The following TRRAP variants were observed in gnomAD, a reference collection of about 807,000 sequenced individuals.
The protein encoded by TRRAP is transformation/transcription domain-associated protein.
In TRRAP, 41 loss-of-function variants were observed where a neutral mutation model predicts 438.8. That is an observed-to-expected ratio of 0.09 (90% CI 0.07 to 0.12). The LOEUF (loss-of-function observed/expected upper bound fraction) is 0.12. Ranked by LOEUF, TRRAP falls within the 10% of genes least tolerant of loss-of-function variation. The pLI is 1.00. For missense variants in TRRAP, 3,122 were observed against 5,055.1 expected (o/e 0.62, Z 11.60); for synonymous variants, 1,994 against 1,962.9 (o/e 1.02, Z -0.42).
chr7:98,978,199 A>G lies in TRRAP; in HGVS notation c.8386-12A>G, dbSNP rs753255127. ...AGTTAAACAGTGATTTAAAAACATT[A>G]ACTTTTTTTAGGCACAAGAATCCTA... On this transcript the variant is annotated splice_polypyrimidine_tract_variant and intron_variant, in intron 56 of 72. Transcript: ENST00000456197. The G allele has an allele frequency of 6.2e-7, 1 of 1,601,512 alleles. No homozygotes were observed. Among genetic ancestry groups the G allele is most frequent in the South Asian group, 1.1e-5 (1 of 89,934 alleles).
Position 99,005,969 on chromosome 7 carries a change from C to T in TRRAP, c.10753+621C>T, listed in dbSNP as rs1032545369. On this transcript the variant is annotated intron_variant, in intron 69 of 72. Coordinates refer to ENST00000456197, the MANE Select transcript of TRRAP (RefSeq NM_001375524.1). The surrounding 1 kb of genome is among the most constrained non-coding windows in gnomAD (Gnocchi z 5.1). Reference sequence around the variant, plus strand: ...AGCAGCATGCATCAGGTTTCCAGCGCGCCTCTAGCTGCTTCACACGCTGCA... The same window carrying T: ...AGCAGCATGCATCAGGTTTCCAGCGTGCCTCTAGCTGCTTCACACGCTGCA... Among the ~76,000 whole-genome samples, 4 of 152,164 alleles carry T rather than the reference C, an allele frequency of 2.6e-5. No homozygotes were observed. Among genetic ancestry groups the T allele is most frequent in the East Asian group, 1.9e-4 (1 of 5,190 alleles).
chr7:98,912,165 C>G lies in TRRAP; in HGVS notation c.2151C>G (p.Val717=). The change falls in exon 18 of 73, where the codon GTC becomes GTG. Residue 717 remains valine, a synonymous_variant. Coordinates refer to ENST00000456197, the MANE Select transcript of TRRAP (RefSeq NM_001375524.1). ...TGTACCTCAAGCTGTTCAAGCTGGT[C>G]TTTGGCTCTGTCTCCCTCTTTGCAG... The part of the protein sequence containing the change: ...SNLYLKLFKL[V]FGSVSLFAAE... The G allele has an allele frequency of 6.2e-7, 1 of 1,614,108 alleles. No individual in the cohort carries two copies. The highest frequency in any genetic ancestry group is 1.1e-5 in the South Asian group (1 of 91,058).
Position 98,925,181 on chromosome 7 carries a change from G to C in TRRAP, c.2893G>C (p.Glu965Gln), listed in dbSNP as rs1789991255. 3 of 1,614,184 alleles carry C rather than the reference G, an allele frequency of 1.9e-6. No individual in the cohort carries two copies. The East Asian group carries it at 6.7e-5, about 36-fold the overall frequency. Residue 965 changes from glutamate to glutamine, a missense_variant, in exon 22 of 73, where the codon GAA becomes CAA. Coordinates refer to ENST00000456197, the MANE Select transcript of TRRAP (RefSeq NM_001375524.1). ...TEPYYRRQAW[E>Q]VIKCFLVAMM... ...GCCCTACTACCGGAGGCAGGCGTGG[G>C]AAGTGATCAAATGCTTCCTGGTGGC...
chr7:98,978,912 GC>G lies in TRRAP; in HGVS notation c.8634+12del. Reference sequence around the variant, plus strand: ...AAGGAGGCGCTGGTGCAGGTGAGACGCCCCGGGGGCATCCCTGCCGCTGCCT... The same window carrying G: ...AAGGAGGCGCTGGTGCAGGTGAGACGCCCGGGGGCATCCCTGCCGCTGCCT... On this transcript the variant is annotated intron_variant, in intron 58 of 72. Coordinates refer to ENST00000456197, the MANE Select transcript of TRRAP (RefSeq NM_001375524.1). The G allele has an allele frequency of 6.2e-7, 1 of 1,613,348 alleles. No individual in the cohort carries two copies. The highest frequency in any genetic ancestry group is 8.5e-7 in the Non-Finnish European group (1 of 1,179,984).
intron 45 of TRRAP, among the ~76,000 whole-genome samples, 176 bp from the exon 46 acceptor site, chr7:98,961,085 A>C (rs1435964451): frequency 6.6e-6 from 1 of 152,218 alleles, no homozygotes. Flanking sequence ...AGTTATTTAA[A>C]GTGATTTTAT....
intron 67 of TRRAP, among the ~76,000 whole-genome samples, chr7:99,002,550 G>A (rs1204491119): frequency 6.6e-6 from 1 of 152,182 alleles, no homozygotes; most frequent in Non-Finnish European, 1.5e-5. Context: ...CAATGAGGTG[G>A]CCTGCGTCCT....
At chr7:98,888,279 G>A (rs1316562718) in intron 3 of TRRAP, among the ~76,000 whole-genome samples, 1 of 150,068 alleles carries the variant, frequency 6.7e-6, no homozygotes, top group African/African-American at 2.5e-5. Context: ...GCTCATGCCT[G>A]TAATTCCAGC....
intron 29 of TRRAP, 54 bp downstream of exon 29, chr7:98,937,331 T>G (rs536064382): frequency 6.4e-7 from 1 of 1,573,572 alleles, no homozygotes; most frequent in Non-Finnish European, 8.6e-7. Flanking sequence ...CACATGTGTG[T>G]GTACTCTGCA....
chr7:98,997,493 A>AAAAAAAAAAAC (rs1793723600), intron 67 of TRRAP, among the ~76,000 whole-genome samples: 1 of 143,244 alleles, frequency 7.0e-6, no homozygotes, highest in Non-Finnish European at 1.5e-5. Flanking sequence ...CAAAAAAAAA[A>AAAAAAAAAAAC]AAAAAAAAAA....
chr7:98,964,129 T>C (rs1792049689), intron 47 of TRRAP, among the ~76,000 whole-genome samples: 1 of 151,886 alleles, frequency 6.6e-6, no homozygotes, highest in Admixed American at 6.6e-5. Context: ...ATCAAGGTGA[T>C]TGTCACAATG....
chr7:98,988,736 A>G (rs1404773550), intron 62 of TRRAP, 29 bp from the exon 63 acceptor site: 2 of 1,611,158 alleles, frequency 1.2e-6, no homozygotes, highest in Admixed American at 3.3e-5. Context: ...TGAAAACCAT[A>G]CACGTTTTGG....
At chr7:98,917,401 A>T in intron 19 of TRRAP, 22 bp from the exon 20 acceptor site, 1 of 1,608,462 alleles carries the variant, frequency 6.2e-7, no homozygotes, top group Non-Finnish European at 8.5e-7. Flanking sequence ...TCCCTCTCTG[A>T]TAGCTGCACC....
intron 62 of TRRAP, among the ~76,000 whole-genome samples, chr7:98,987,397 A>C (rs979483866): frequency 1.3e-5 from 2 of 152,192 alleles, no homozygotes; most frequent in Non-Finnish European, 2.9e-5. Flanking sequence ...TTAATTCAAC[A>C]ATGTTTTTTA....
chr7:98,989,358 T>C (rs1793287228), intron 63 of TRRAP, among the ~76,000 whole-genome samples: 1 of 152,196 alleles, frequency 6.6e-6, no homozygotes, highest in Non-Finnish European at 1.5e-5. Flanking sequence ...GCTGGGGTGG[T>C]TGTGGGTTTC....
Position 98,949,553 on chromosome 7 carries a change from G to T in TRRAP, c.4925G>T (p.Arg1642Leu). 1.3e-6 allele frequency: 2 copies of T among 1,588,084 alleles called. No individual in the cohort carries two copies. Among genetic ancestry groups the T allele is most frequent in the Non-Finnish European group, 1.7e-6 (2 of 1,167,474 alleles). Residue 1642 changes from arginine to leucine, a missense_variant, in exon 36 of 73, where the codon CGC (arginine) becomes CTC (leucine). Physicochemically the swap from Arg to Leu is moderately radical, Grantham distance 102. Coordinates refer to ENST00000456197, the MANE Select transcript of TRRAP (RefSeq NM_001375524.1). The stretch of plus-strand genomic sequence containing the variant: ...GGTTCGCCCAGCACCAGCACCATGC[G>T]CCTGGACCTCCAGTTCCAGGCCATC... ...RPGSPSTSTM[R>L]LDLQFQAIKI...
intron 43 of TRRAP, among the ~76,000 whole-genome samples, chr7:98,957,162 T>TCTCA (rs1791656501): frequency 1.3e-5 from 2 of 152,172 alleles, no homozygotes; most frequent in South Asian, 4.2e-4. Flanking sequence ...CCGGAGCAAG[T>TCTCA]CTCACTCTGC....
chr7:99,009,876 T>A (rs1464711013), intron 70 of TRRAP, among the ~76,000 whole-genome samples: 1 of 145,404 alleles, frequency 6.9e-6, no homozygotes, highest in Admixed American at 6.8e-5. Context: ...TCCTTCATTC[T>A]TCTCTTTTTT....
intron 39 of TRRAP, 109 bp downstream of exon 39, chr7:98,951,113 T>C: frequency 8.4e-7 from 1 of 1,194,692 alleles, no homozygotes; most frequent in Non-Finnish European, 1.1e-6. Flanking sequence ...TTCATTGAAA[T>C]AAGTTTGTTC....
At chr7:98,924,746 G>GT (rs1169288512) in intron 21 of TRRAP, among the ~76,000 whole-genome samples, 1 of 142,860 alleles carries the variant, frequency 7.0e-6, no homozygotes, top group Non-Finnish European at 1.5e-5. Flanking sequence ...GCTCATGCCT[G>GT]TTATCCCAGC....
Sources: allele counts gnomAD v4.1 joint callset (sites outside exome capture counted in the v4.1 genomes callset), GRCh38; gene constraint gnomAD v4.1.1; non-coding constraint Gnocchi (gnomAD v3.1); transcripts MANE v1.5; gene names NCBI Gene and HGNC (gene_info 2026-07-23, HGNC 2026-07-21).